The following NEK6 variants were observed in gnomAD, a reference collection of about 807,000 sequenced individuals.
The protein encoded by NEK6 is serine/threonine-protein kinase Nek6.
In NEK6, 27 loss-of-function variants were observed where a neutral mutation model predicts 43.5. That is an observed-to-expected ratio of 0.62 (90% CI 0.46 to 0.86). The LOEUF (loss-of-function observed/expected upper bound fraction) is 0.86. NEK6 is among the 40% of genes least tolerant of loss of function. NEK6 has a pLI of 0.00. For synonymous variants in NEK6, 167 were observed against 164.1 expected (o/e 1.02, Z -0.14); for missense variants, 318 against 414.4 (o/e 0.77, Z 2.02).
At chr9:124,262,253 C>T (rs1180302447) in intron 1 of NEK6, among the ~76,000 whole-genome samples, 1 of 152,228 alleles carries the variant, frequency 6.6e-6, no homozygotes, top group Non-Finnish European at 1.5e-5. Flanking sequence ...AGCACTTTCA[C>T]TCATTCCTGT....
In NEK6 at chr9:124,340,311, C is replaced by A. The variant is rs1165405619; in HGVS notation, c.717+646C>A. 3.3e-5 allele frequency among the ~76,000 whole-genome samples: 5 copies of A among 152,312 alleles called. No individual in the cohort carries two copies. The East Asian group carries it at 9.6e-4, about 29-fold the overall frequency. ...CATTTTGTCCAGCCACACTGGGGCC[C>A]CAGGTGATGAGAGGTGTGGGGAGCA... On this transcript the variant is annotated intron_variant, in intron 8 of 9. Transcript: ENST00000320246.
In NEK6 at chr9:124,333,773, C is replaced by CTTTT. The variant is rs148074227; in HGVS notation, c.623-5779_623-5776dup. ...AGCTGCAGCATGGATCATTTCAGTCCTTTTTTTTTTTTTTTTTTTTTTGAG... is the reference window on the plus strand; with the variant it reads ...AGCTGCAGCATGGATCATTTCAGTCCTTTTTTTTTTTTTTTTTTTTTTTTTTGAG... On this transcript the variant is annotated intron_variant, in intron 7 of 9. Transcript: ENST00000320246. Among the ~76,000 whole-genome samples, 267 of 119,988 alleles carry CTTTT rather than the reference C, an allele frequency of 2.2e-3. 2 individuals carry two copies. The highest frequency in any genetic ancestry group is 7.4e-3 in the African/African-American group (236 of 32,022). The allele number at this position is 119,988 out of a possible 152,430, so 78.7% of individuals were successfully genotyped here.
chr9:124,324,257 C>T lies in NEK6; in HGVS notation c.406-2073C>T, dbSNP rs946222755. On this transcript the variant is annotated intron_variant, in intron 5 of 9. Transcript: ENST00000320246. This position sits in a 1 kb window ranked among gnomAD's most constrained non-coding sequence, Gnocchi z 5.3. ...CCTGGGGTTTGGTGGGAGCTCGGTT[C>T]CCCTGGTTCTGCCTGCTCTCAGGCC... 5.9e-5 allele frequency among the ~76,000 whole-genome samples: 9 copies of T among 152,152 alleles called. No homozygotes were observed. The highest frequency in any genetic ancestry group is 1.3e-4 in the Admixed American group (2 of 15,286).
rs755970176 is a variant in NEK6 at position 124,261,553 on chromosome 9, C to G, written c.-30+3468C>G. The G allele has an allele frequency of 1.8e-3, 1,737 of 985,444 alleles. 2 individuals carry two copies. The highest frequency in any genetic ancestry group is 2.0e-3 in the Non-Finnish European group (1,640 of 829,934). The allele number at this position is 985,444 out of a possible 1,614,324, so 61.0% of individuals were successfully genotyped here. ...CACCTTCACGGGCCTGACTCACAGT[C>G]CTAAATATCTGACAGCGAGATCGCT... On this transcript the variant is annotated intron_variant, in intron 1 of 9. Coordinates refer to ENST00000320246, the MANE Select transcript of NEK6 (RefSeq NM_014397.6).
At chr9:124,261,656 G>A (rs545236438) in intron 1 of NEK6, 6 of 878,870 alleles carry the variant, frequency 6.8e-6, no homozygotes, top group African/African-American at 3.6e-5. Context: ...TTTCGATCAC[G>A]GCTTCTACTA....
intron 1 of NEK6, among the ~76,000 whole-genome samples, chr9:124,294,218 T>A (rs908156939): frequency 1.3e-5 from 2 of 152,128 alleles, no homozygotes; most frequent in African/African-American, 4.8e-5. Context: ...CTACAAAAAT[T>A]AGCTGGGCGT....
chr9:124,283,982 G>C (rs1443374293), intron 1 of NEK6, among the ~76,000 whole-genome samples: 2 of 152,272 alleles, frequency 1.3e-5, no homozygotes, highest in Non-Finnish European at 2.9e-5. Context: ...TGTGTCCATT[G>C]AGTGAGCAAA....
At position 124,326,216 on chromosome 9, in the gene NEK6, C is replaced by CCCCCCCCCCCCCCCCCCCCCCA; in HGVS notation, c.406-112_406-111insCCCCCCCCCCCCCCCCCCCACC. 1 of 212,872 alleles carries CCCCCCCCCCCCCCCCCCCCCCA rather than the reference C, an allele frequency of 4.7e-6. No homozygotes were observed. Among genetic ancestry groups the CCCCCCCCCCCCCCCCCCCCCCA allele is most frequent in the Non-Finnish European group, 1.2e-5 (1 of 85,104 alleles). 13.2% of individuals were successfully genotyped at this position (212,872 alleles called of 1,614,324 possible). On this transcript the variant is annotated intron_variant, in intron 5 of 9. Transcript: ENST00000320246. The surrounding 1 kb of genome is among the most constrained non-coding windows in gnomAD (Gnocchi z 4.5). ...CAGTGGCTCAATCCCCCCCCCCCGC[C>CCCCCCCCCCCCCCCCCCCCCCA]CCTGCCAGGCACCAGTTACCCACTG...
chr9:124,260,288 T>C (rs1401600459), intron 1 of NEK6, among the ~76,000 whole-genome samples: 1 of 152,160 alleles, frequency 6.6e-6, no homozygotes, highest in East Asian at 1.9e-4. Context: ...GTAGATAGGG[T>C]TTATTATCCC....
At chr9:124,269,645 G>A (rs1336878018) in intron 1 of NEK6, among the ~76,000 whole-genome samples, 1 of 152,136 alleles carries the variant, frequency 6.6e-6, no homozygotes, top group Non-Finnish European at 1.5e-5. Flanking sequence ...GGAAAGGAAG[G>A]TGATGTCTGT....
rs139379197 is a variant in NEK6 at position 124,276,815 on chromosome 9, C to T, written c.-30+18730C>T. Reference sequence around the variant, plus strand: ...CTGCAGTTAGAGCATGGGGAGACTGCGTGAGCAGGTGCAGAGGTGGGAAAC... The same window carrying T: ...CTGCAGTTAGAGCATGGGGAGACTGTGTGAGCAGGTGCAGAGGTGGGAAAC... On this transcript the variant is annotated intron_variant, in intron 1 of 9. Coordinates refer to ENST00000320246, the MANE Select transcript of NEK6 (RefSeq NM_014397.6). Among the ~76,000 whole-genome samples the T allele has an allele frequency of 3.2e-3, 494 of 152,308 alleles. 4 individuals are homozygous for T. The highest frequency in any genetic ancestry group is 0.011 in the African/African-American group (463 of 41,554).
At chr9:124,280,980 G>T (rs1831877879) in intron 1 of NEK6, among the ~76,000 whole-genome samples, 1 of 151,930 alleles carries the variant, frequency 6.6e-6, no homozygotes, top group Admixed American at 6.6e-5. Context: ...GTGGAGATGG[G>T]GTTTCTCCAC....
intron 1 of NEK6, chr9:124,293,143 G>T (rs1832509355): frequency 8.4e-7 from 1 of 1,188,976 alleles, no homozygotes; most frequent in East Asian, 3.2e-5. Flanking sequence ...ATCACCTCAG[G>T]CAAATGATTA....
chr9:124,269,664 G>T (rs1009436050), intron 1 of NEK6, among the ~76,000 whole-genome samples: 1 of 152,136 alleles, frequency 6.6e-6, no homozygotes, highest in Non-Finnish European at 1.5e-5. Context: ...GTAAAATGTC[G>T]GATGGGATTG....
intron 7 of NEK6, among the ~76,000 whole-genome samples, chr9:124,333,422 CT>C (rs1829117647): frequency 1.3e-5 from 2 of 152,204 alleles, no homozygotes; most frequent in South Asian, 4.1e-4. Flanking sequence ...AGCCCCTCCC[CT>C]GGGTCAGGGG....
intron 1 of NEK6, chr9:124,260,944 C>G (rs1831006675): frequency 6.6e-6 from 1 of 152,326 alleles, no homozygotes; most frequent in Admixed American, 6.5e-5. Flanking sequence ...GTAGCAGGCA[C>G]TGTGGGCTGG....
intron 1 of NEK6, among the ~76,000 whole-genome samples, chr9:124,297,293 C>T (rs745673319): frequency 6.6e-6 from 1 of 152,250 alleles, no homozygotes; most frequent in Non-Finnish European, 1.5e-5. Flanking sequence ...TAAATAGCCT[C>T]ATAGCTAAAG....
chr9:124,289,769 A>G (rs1192684183), intron 1 of NEK6, among the ~76,000 whole-genome samples: 2 of 152,236 alleles, frequency 1.3e-5, no homozygotes, highest in Non-Finnish European at 2.9e-5. Context: ...CCGTATAAGA[A>G]GCATCTGCAC....
At chr9:124,272,867 G>T (rs182492562) in intron 1 of NEK6, among the ~76,000 whole-genome samples, 2 of 152,326 alleles carry the variant, frequency 1.3e-5, no homozygotes, top group Non-Finnish European at 2.9e-5. Flanking sequence ...GTCAGGATTT[G>T]AACCCACGCC....
Sources: gnomAD v4.1 joint callset for allele counts (sites outside exome capture counted in the v4.1 genomes callset) on GRCh38, gnomAD v4.1.1 for gene constraint, Gnocchi (gnomAD v3.1) non-coding constraint, MANE v1.5 for transcripts, NCBI Gene and HGNC (gene_info 2026-07-23, HGNC 2026-07-21) for gene names.